Variants in UNC13C observed in about 807,000 individuals in gnomAD.
The protein encoded by UNC13C is protein unc-13 homolog C.
In UNC13C, 174 loss-of-function variants were observed where a neutral mutation model predicts 245.4. The observed-to-expected ratio is 0.71, with a 90% CI of 0.63 to 0.80. UNC13C has a LOEUF of 0.80. Among genes scored for constraint, UNC13C ranks in the 30% least tolerant of loss-of-function variants. UNC13C has a pLI of 0.00. For synonymous variants in UNC13C, 992 were observed against 895.1 expected, an observed-to-expected ratio of 1.11 and a Z score of -1.93; for missense variants, 2,829 against 2,602.9, an observed-to-expected ratio of 1.09 and a Z score of -1.89.
intron 26 of UNC13C, among the ~76,000 whole-genome samples, chr15:54,535,620 T>G (rs955920342): frequency 7.2e-5 from 11 of 152,042 alleles, no homozygotes; most frequent in African/African-American, 2.7e-4. Context: ...GTCAATGAAT[T>G]CAAAAAATTT....
chr15:54,572,155 T>A (rs1490261761), intron 30 of UNC13C, among the ~76,000 whole-genome samples: 1 of 151,874 alleles, frequency 6.6e-6, no homozygotes. Flanking sequence ...AGATCCCGGG[T>A]CAACATGTAT....
chr15:54,094,635 C>T (rs1359795431), intron 2 of UNC13C, among the ~76,000 whole-genome samples: 1 of 152,152 alleles, frequency 6.6e-6, no homozygotes, highest in Admixed American at 6.5e-5. Context: ...ATCCCACTGA[C>T]TTTTATTCTC....
At chr15:54,388,438 C>T (rs1223606911) in intron 17 of UNC13C, among the ~76,000 whole-genome samples, 2 of 152,152 alleles carry the variant, frequency 1.3e-5, no homozygotes, top group African/African-American at 2.4e-5. Flanking sequence ...GGGTCCAACT[C>T]GAGGCTGTCT....
At chr15:54,339,158 AC>A (rs1419930382) in intron 17 of UNC13C, among the ~76,000 whole-genome samples, 1 of 152,214 alleles carries the variant, frequency 6.6e-6, no homozygotes, top group East Asian at 1.9e-4. Flanking sequence ...ATGAGCCACC[AC>A]GCCTGGCCTA....
the UNC13C span, among the ~76,000 whole-genome samples, chr15:53,855,382 G>C: frequency 2.0e-5 from 3 of 152,070 alleles, no homozygotes; most frequent in African/African-American, 7.2e-5. Flanking sequence ...CAGTTTTTAA[G>C]GGGAATGCTT....
chr15:54,410,006 T>C (rs751238784), intron 18 of UNC13C, among the ~76,000 whole-genome samples: 3 of 152,230 alleles, frequency 2.0e-5, no homozygotes, highest in Non-Finnish European at 4.4e-5. Context: ...CGTATAATTG[T>C]TCCCTTTTCT....
Position 54,532,978 on chromosome 15 carries a change from G to C in UNC13C, c.5608G>C (p.Ala1870Pro), listed in dbSNP as rs765428804. Residue 1870 changes from alanine (A) to proline (P), a missense_variant, in exon 26 of 33, where the codon GCA (alanine) becomes CCA (proline). Transcript: ENST00000260323. ...QMSFELNQMR[A>P]NGNTTSNKNS... Reference sequence around the variant, plus strand: ...GAGTTTCGAACTAAATCAAATGAGAGCAAATGGAAACACCACATCTAATAA... The same window carrying C: ...GAGTTTCGAACTAAATCAAATGAGACCAAATGGAAACACCACATCTAATAA... 52 of 1,598,144 alleles carry C rather than the reference G, an allele frequency of 3.3e-5. No homozygotes were observed. In the South Asian group the frequency reaches 5.7e-4, roughly 18 times the overall value.
chr15:54,049,333 C>G (rs1897175612), intron 2 of UNC13C: 1 of 511,774 alleles, frequency 2.0e-6, no homozygotes, highest in African/African-American at 2.0e-5. Flanking sequence ...TAAATCGATA[C>G]TACTAACATC....
At position 54,013,009 on chromosome 15, in the gene UNC13C, C is replaced by A; in HGVS notation, c.106C>A (p.Arg36Ser). The change falls in exon 2 of 33, where the codon CGT (arginine) becomes AGT (serine). Residue 36 changes from arginine to serine, a missense_variant. Physicochemically the swap from Arg to Ser is moderately radical, Grantham distance 110 (BLOSUM62 -1). Coordinates refer to ENST00000260323, the MANE Select transcript of UNC13C (RefSeq NM_001080534.3). ...AAATACAAACAAAAACAAAGAGTATCGTCAGCAGAAAAAGGATCAAGACTT... is the reference window on the plus strand; with the variant it reads ...AAATACAAACAAAAACAAAGAGTATAGTCAGCAGAAAAAGGATCAAGACTT... ...LGNTNKNKEYRQQKKDQDFPT... is the reference protein window; with the variant it reads ...LGNTNKNKEYSQQKKDQDFPT... 1.2e-6 allele frequency: 2 copies of A among 1,613,792 alleles called. No individual in the cohort carries two copies. Among genetic ancestry groups the A allele is most frequent in the East Asian group, 2.2e-5 (1 of 44,876 alleles).
chr15:54,623,644 G>T, intron 31 of UNC13C, 151 bp from the exon 32 acceptor site: 2 of 711,890 alleles, frequency 2.8e-6, no homozygotes, highest in Non-Finnish European at 4.5e-6. Context: ...CTTCCAGAAA[G>T]AAAATTGTAT....
intron 1 of UNC13C, among the ~76,000 whole-genome samples, chr15:54,002,161 C>T (rs1429575141): frequency 6.6e-6 from 1 of 152,274 alleles, no homozygotes; most frequent in African/African-American, 2.4e-5. Context: ...TGGCGGGCAC[C>T]TGTAGTCCCA....
chr15:54,184,049 C>G (rs1449441691), intron 4 of UNC13C, among the ~76,000 whole-genome samples: 1 of 151,902 alleles, frequency 6.6e-6, no homozygotes, highest in Non-Finnish European at 1.5e-5. Flanking sequence ...ATTTGTTTAG[C>G]ATTATAATTT....
At chr15:54,397,250 A>G (rs1275030431) in intron 18 of UNC13C, among the ~76,000 whole-genome samples, 2 of 151,402 alleles carry the variant, frequency 1.3e-5, no homozygotes, top group African/African-American at 2.4e-5. Context: ...TCATATGGTT[A>G]TCTATTTTTT....
At position 54,264,358 on chromosome 15, in the gene UNC13C, T is replaced by A; in HGVS notation, c.3639T>A (p.Asp1213Glu). Residue 1213 changes from aspartate to glutamate, a missense_variant, in exon 9 of 33, where the codon GAT (aspartate) becomes GAA (glutamate). Coordinates refer to ENST00000260323, the MANE Select transcript of UNC13C (RefSeq NM_001080534.3). ...FTKAAKQSVL[D>E]GTSKWSAKIT... Reference sequence around the variant, plus strand: ...AGGCGGCCAAACAGAGTGTACTGGATGGGACATCTAAGTGGTCTGCAAAAA... The same window carrying A: ...AGGCGGCCAAACAGAGTGTACTGGAAGGGACATCTAAGTGGTCTGCAAAAA... 6.2e-7 allele frequency: 1 copy of A among 1,604,336 alleles called. No homozygotes were observed.
At chr15:54,447,132 G>T (rs944693645) in intron 19 of UNC13C, among the ~76,000 whole-genome samples, 1 of 152,160 alleles carries the variant, frequency 6.6e-6, no homozygotes, top group African/African-American at 2.4e-5. Flanking sequence ...TGCATCCCAG[G>T]TATGAAGCCC....
chr15:54,349,383 A>T (rs1218143020), intron 17 of UNC13C, among the ~76,000 whole-genome samples: 2 of 151,860 alleles, frequency 1.3e-5, no homozygotes, highest in East Asian at 1.9e-4. Context: ...TAAATAAAGT[A>T]AAAAATGAAA....
chr15:54,581,304 G>T (rs2141239409), intron 30 of UNC13C, among the ~76,000 whole-genome samples: 1 of 152,338 alleles, frequency 6.6e-6, no homozygotes, highest in South Asian at 2.1e-4. Flanking sequence ...GAGTAGAAAG[G>T]TGCTCTCAAA....
At chr15:54,346,788 C>A (rs2038868922) in intron 17 of UNC13C, among the ~76,000 whole-genome samples, 1 of 152,046 alleles carries the variant, frequency 6.6e-6, no homozygotes, top group Non-Finnish European at 1.5e-5. Context: ...ACAGAGGTCA[C>A]TGGACTCACA....
intron 8 of UNC13C, among the ~76,000 whole-genome samples, chr15:54,257,970 C>A (rs756343760): frequency 1.3e-5 from 2 of 152,090 alleles, no homozygotes; most frequent in Non-Finnish European, 2.9e-5. Context: ...AAAGCAGGCC[C>A]ACCTACATGT....
Sources: allele counts gnomAD v4.1 joint callset (sites outside exome capture counted in the v4.1 genomes callset), GRCh38; gene constraint gnomAD v4.1.1; transcripts MANE v1.5; gene names NCBI Gene and HGNC (gene_info 2026-07-23, HGNC 2026-07-21).